Variants in TENM2 observed in about 807,000 individuals in gnomAD.
TENM2 encodes the protein teneurin-2.
TENM2 carries 52 observed loss-of-function variants against 245.2 expected under a neutral mutation model. The ratio of observed to expected loss-of-function variants is 0.21; its 90% CI spans 0.17 to 0.27. The LOEUF is 0.27. Among genes scored for constraint, TENM2 ranks in the 10% least tolerant of loss-of-function variants. The probability of loss-of-function intolerance (pLI) is 1.00; values close to 1 mark genes in which losing one functional copy is unlikely to be tolerated. For synonymous variants in TENM2, 1,363 were observed against 1,438.9 expected, an observed-to-expected ratio of 0.95 and a Z score of 1.19; for missense variants, 3,046 against 3,666.8, an observed-to-expected ratio of 0.83 and a Z score of 4.37.
the TENM2 span, chr5:167,116,197 A>G: frequency 1.3e-5 from 2 of 152,210 alleles, no homozygotes; most frequent in Non-Finnish European, 2.9e-5. Context: ...CGTAGCAAGG[A>G]AAGCTTTCAG....
At chr5:167,768,254 T>C (rs1209787291) in intron 2 of TENM2, among the ~76,000 whole-genome samples, 2 of 152,152 alleles carry the variant, frequency 1.3e-5, no homozygotes, top group Non-Finnish European at 2.9e-5. Flanking sequence ...CATAAGTAGA[T>C]AGTTCTTTAT....
intron 2 of TENM2, among the ~76,000 whole-genome samples, chr5:167,486,079 T>A (rs1768051409): frequency 6.6e-6 from 1 of 151,884 alleles, no homozygotes; most frequent in Non-Finnish European, 1.5e-5. Flanking sequence ...AAAAAAAAAA[T>A]TATGGAAGCA....
At position 167,301,675 on chromosome 5, in the gene TENM2, C is replaced by T. The variant is rs185577091; in HGVS notation, c.226+16612C>T. Reference sequence around the variant, plus strand: ...CCTTTTAGGGTCTAGGGCTGTAAAGCGTCTCAGGGTTGCTGCCAAACGAGC... The same window carrying T: ...CCTTTTAGGGTCTAGGGCTGTAAAGTGTCTCAGGGTTGCTGCCAAACGAGC... On this transcript the variant is annotated intron_variant, in intron 1 of 28. Transcript: ENST00000518659. Among the ~76,000 whole-genome samples the T allele has an allele frequency of 3.6e-3, 548 of 152,152 alleles. 4 individuals carry two copies. The highest frequency in any genetic ancestry group is 0.012 in the African/African-American group (516 of 41,484).
chr5:167,350,599 G>GAT (rs763738444), intron 1 of TENM2, among the ~76,000 whole-genome samples: 12 of 122,432 alleles, frequency 9.8e-5, no homozygotes, highest in Non-Finnish European at 1.3e-4. Flanking sequence ...TATATATATG[G>GAT]ATATATATAT....
At chr5:168,064,411 C>T (rs1020597708) in intron 7 of TENM2, among the ~76,000 whole-genome samples, 1 of 152,142 alleles carries the variant, frequency 6.6e-6, no homozygotes, top group African/African-American at 2.4e-5. Context: ...CAAAGCTCTG[C>T]TTGCCCCCTT....
At chr5:168,160,415 G>A (rs1427421432) in intron 12 of TENM2, among the ~76,000 whole-genome samples, 1 of 152,216 alleles carries the variant, frequency 6.6e-6, no homozygotes, top group Non-Finnish European at 1.5e-5. Context: ...GACCAAACAA[G>A]CCTTTCCAGG....
At position 168,156,431 on chromosome 5, in the gene TENM2, A is replaced by T. The variant is rs76633604; in HGVS notation, c.2423-6180A>T. Among the ~76,000 whole-genome samples the T allele has an allele frequency of 9.9e-5, 15 of 152,002 alleles. No individual in the cohort carries two copies. In the East Asian group the frequency reaches 2.9e-3, roughly 29 times the overall value. ...ACTTGCATTTCCATCTGGATAGGGTATTGCCCTTTATGCTTTTCTTAGGCA... is the reference window on the plus strand; with the variant it reads ...ACTTGCATTTCCATCTGGATAGGGTTTTGCCCTTTATGCTTTTCTTAGGCA... On this transcript the variant is annotated intron_variant, in intron 12 of 28. Coordinates refer to ENST00000518659, the Ensembl canonical transcript of TENM2.
At chr5:166,986,167 A>G in the TENM2 span, among the ~76,000 whole-genome samples, 3 of 152,294 alleles carry the variant, frequency 2.0e-5, no homozygotes, top group East Asian at 3.9e-4. Flanking sequence ...GACCATTATG[A>G]ATAATTCAAG....
chr5:168,077,801 C>T (rs1481057983), intron 7 of TENM2, among the ~76,000 whole-genome samples: 1 of 152,070 alleles, frequency 6.6e-6, no homozygotes, highest in Admixed American at 6.6e-5. Context: ...TGTATATGTG[C>T]CATATTTTCT....
chr5:168,006,103 A>G (rs1784798797), intron 5 of TENM2, among the ~76,000 whole-genome samples: 1 of 152,190 alleles, frequency 6.6e-6, no homozygotes, highest in South Asian at 2.1e-4. Flanking sequence ...TCTGACTTAG[A>G]TTAAGCCAGT....
At chr5:168,055,884 C>G (rs1789499966) in intron 6 of TENM2, among the ~76,000 whole-genome samples, 1 of 152,226 alleles carries the variant, frequency 6.6e-6, no homozygotes. Flanking sequence ...CAAACCCAGG[C>G]TGACTAGCTC....
At chr5:167,431,027 C>G (rs531004052) in intron 2 of TENM2, among the ~76,000 whole-genome samples, 21 of 152,120 alleles carry the variant, frequency 1.4e-4, no homozygotes, top group Non-Finnish European at 2.6e-4. Context: ...GTAATCTTCT[C>G]TCTTATTTGG....
chr5:167,568,218 G>GA, intron 2 of TENM2, among the ~76,000 whole-genome samples: 1 of 152,204 alleles, frequency 6.6e-6, no homozygotes, highest in Non-Finnish European at 1.5e-5. Flanking sequence ...ATATAATGTA[G>GA]AAAAAATATT....
intron 13 of TENM2, among the ~76,000 whole-genome samples, chr5:168,173,584 A>G (rs1394768546): frequency 6.6e-6 from 1 of 151,806 alleles, no homozygotes; most frequent in Non-Finnish European, 1.5e-5. Flanking sequence ...ACCCTCCCCC[A>G]CACCAGCCAC....
At chr5:167,161,416 T>TATG in the TENM2 span, among the ~76,000 whole-genome samples, 1 of 152,190 alleles carries the variant, frequency 6.6e-6, no homozygotes, top group Admixed American at 6.5e-5. Flanking sequence ...GTTCTTCAAC[T>TATG]ATGAATGTGG....
At chr5:168,097,601 TGC>T (rs945078391) in intron 8 of TENM2, among the ~76,000 whole-genome samples, 24 of 54,488 alleles carry the variant, frequency 4.4e-4, no homozygotes, top group African/African-American at 1.7e-3. Flanking sequence ...ATTGTGTGTG[TGC>T]GTGTGTGTGT....
At chr5:167,932,894 A>G (rs1176073481) in intron 3 of TENM2, among the ~76,000 whole-genome samples, 1 of 152,104 alleles carries the variant, frequency 6.6e-6, no homozygotes, top group Non-Finnish European at 1.5e-5. Flanking sequence ...TTCCCCACCA[A>G]CCATAGCAGC....
At chr5:167,437,326 G>A (rs1253900356) in intron 2 of TENM2, among the ~76,000 whole-genome samples, 1 of 152,192 alleles carries the variant, frequency 6.6e-6, no homozygotes, top group Non-Finnish European at 1.5e-5. Flanking sequence ...CATAAGGCCC[G>A]TAGCCCCTTG....
At chr5:168,098,773 A>T (rs1020860770) in intron 9 of TENM2, among the ~76,000 whole-genome samples, 2 of 152,210 alleles carry the variant, frequency 1.3e-5, no homozygotes, top group Non-Finnish European at 2.9e-5. Flanking sequence ...ACTTTTACCC[A>T]CAGGCACACA....
Sources: allele counts gnomAD v4.1 joint callset (sites outside exome capture counted in the v4.1 genomes callset), GRCh38; gene constraint gnomAD v4.1.1; transcripts MANE v1.5; gene names NCBI Gene and HGNC (gene_info 2026-07-23, HGNC 2026-07-21).